The following MVB12B variants were observed in gnomAD, a reference collection of about 807,000 sequenced individuals.
MVB12B encodes the protein multivesicular body subunit 12B, also known as ESCRT-I complex subunit MVB12B.
A neutral mutation model predicts 41.6 loss-of-function variants in MVB12B; 16 were observed. The ratio of observed to expected loss-of-function variants is 0.38; its 90% CI spans 0.26 to 0.58. The LOEUF is 0.58. Ranked by LOEUF, MVB12B falls within the 20% of genes least tolerant of loss-of-function variation. The probability of loss-of-function intolerance (pLI) is 0.62; values close to 1 mark genes in which losing one functional copy is unlikely to be tolerated. For synonymous variants in MVB12B, 133 were observed against 139.7 expected (o/e 0.95, Z 0.34); for missense variants, 274 against 380.2 (o/e 0.72, Z 2.32).
At chr9:126,345,364 A>C (rs1179388244) in intron 2 of MVB12B, among the ~76,000 whole-genome samples, 4 of 152,200 alleles carry the variant, frequency 2.6e-5, no homozygotes. Context: ...CACCCAACAC[A>C]CAGGAGTCTT....
intron 6 of MVB12B, chr9:126,396,825 A>C (rs561366436): frequency 1.0e-6 from 1 of 985,478 alleles, no homozygotes; most frequent in African/African-American, 1.7e-5. Context: ...GCATAAAAAG[A>C]TAGGAATCTC....
At chr9:126,501,769 G>A (rs750315780) in intron 9 of MVB12B, among the ~76,000 whole-genome samples, 5 of 152,196 alleles carry the variant, frequency 3.3e-5, no homozygotes, top group Admixed American at 6.5e-5. Flanking sequence ...TCAGCCCTGC[G>A]GCCCTCCTCG....
intron 9 of MVB12B, among the ~76,000 whole-genome samples, chr9:126,493,908 G>A (rs1247911064): frequency 6.6e-6 from 1 of 152,134 alleles, no homozygotes; most frequent in Non-Finnish European, 1.5e-5. Flanking sequence ...AGGCAGTTAC[G>A]TCGCCTGTGA....
In MVB12B at chr9:126,395,833, G is replaced by A. The variant is rs113554299; in HGVS notation, c.662+136G>A. 55 of 1,465,090 alleles carry A rather than the reference G, an allele frequency of 3.8e-5. No individual in the cohort carries two copies. In the African/African-American group the frequency reaches 6.6e-4, roughly 18 times the overall value. The allele number at this position is 1,465,090 out of a possible 1,614,324, so 90.8% of individuals were successfully genotyped here. ...TAATTGTAGAAGCAATATATCTTTA[G>A]AGGAGATTTTTAAAAATCCACTTGG... On this transcript the variant is annotated intron_variant, in intron 6 of 9. Coordinates refer to ENST00000361171, the MANE Select transcript of MVB12B (RefSeq NM_033446.3). This position sits in a 1 kb window ranked among gnomAD's most constrained non-coding sequence, Gnocchi z 4.9.
intron 9 of MVB12B, among the ~76,000 whole-genome samples, chr9:126,499,628 C>G (rs1423229580): frequency 3.3e-5 from 5 of 152,272 alleles, no homozygotes; most frequent in African/African-American, 9.6e-5. Flanking sequence ...CGGGCAGGGA[C>G]CGCGTCTGCG....
At position 126,459,268 on chromosome 9, in the gene MVB12B, C is replaced by G. The variant is rs890470445; in HGVS notation, c.758-22101C>G. On this transcript the variant is annotated intron_variant, in intron 7 of 9. Transcript: ENST00000361171. This position sits in a 1 kb window ranked among gnomAD's most constrained non-coding sequence, Gnocchi z 4.3. ...CTGAGTGGTGCCAGTGCAGGCCTCC[C>G]CTTGACTGACACATGGCTCCCTTGC... 6.6e-6 allele frequency among the ~76,000 whole-genome samples: 1 copy of G among 152,210 alleles called. No individual in the cohort carries two copies. Among genetic ancestry groups the G allele is most frequent in the African/African-American group, 2.4e-5 (1 of 41,450 alleles).
intron 2 of MVB12B, among the ~76,000 whole-genome samples, chr9:126,375,350 T>G (rs1830448630): frequency 6.8e-6 from 1 of 146,952 alleles, no homozygotes; most frequent in South Asian, 2.1e-4. Flanking sequence ...TCTTTTTAAT[T>G]TTTAAATTGA....
chr9:126,423,509 C>G (rs928929702), intron 7 of MVB12B, among the ~76,000 whole-genome samples: 1 of 152,220 alleles, frequency 6.6e-6, no homozygotes, highest in Admixed American at 6.5e-5. Context: ...TCAGAAACTT[C>G]CTGTTACATT....
intron 7 of MVB12B, among the ~76,000 whole-genome samples, chr9:126,442,938 A>T (rs1832676662): frequency 6.6e-6 from 1 of 152,212 alleles, no homozygotes; most frequent in Non-Finnish European, 1.5e-5. Context: ...TGAGTTTAAA[A>T]TGTGAGTGTG....
At chr9:126,434,017 A>C (rs563829116) in intron 7 of MVB12B, among the ~76,000 whole-genome samples, 1 of 152,298 alleles carries the variant, frequency 6.6e-6, no homozygotes, top group African/African-American at 2.4e-5. Context: ...TTCAGCTCTT[A>C]CACAGTATGA....
intron 7 of MVB12B, among the ~76,000 whole-genome samples, chr9:126,456,034 G>A (rs1334532714): frequency 6.6e-6 from 1 of 151,770 alleles, no homozygotes; most frequent in Non-Finnish European, 1.5e-5. Context: ...GGGATCACAG[G>A]TACCCGCCAC....
chr9:126,410,235 C>T (rs1245948352), intron 6 of MVB12B, among the ~76,000 whole-genome samples: 2 of 151,996 alleles, frequency 1.3e-5, no homozygotes, highest in African/African-American at 2.4e-5. Flanking sequence ...ACCCATTCTA[C>T]AGTCAGCCTG....
At chr9:126,467,189 T>C (rs1158940189) in intron 7 of MVB12B, among the ~76,000 whole-genome samples, 1 of 152,234 alleles carries the variant, frequency 6.6e-6, no homozygotes, top group Non-Finnish European at 1.5e-5. Context: ...TCTGGGGCTG[T>C]AACGTGAGGA....
chr9:126,496,116 C>T (rs1484098686), intron 9 of MVB12B, among the ~76,000 whole-genome samples: 1 of 152,078 alleles, frequency 6.6e-6, no homozygotes, highest in Non-Finnish European at 1.5e-5. Context: ...CCTAAACTAG[C>T]TGCTTTCTCT....
intron 7 of MVB12B, among the ~76,000 whole-genome samples, chr9:126,435,942 A>C (rs573023342): frequency 1.3e-5 from 2 of 152,342 alleles, no homozygotes; most frequent in African/African-American, 4.8e-5. Context: ...TTAAAAAGAG[A>C]TCATACCTTT....
chr9:126,421,903 C>A lies in MVB12B; in HGVS notation c.712C>A (p.Arg238=), dbSNP rs767658868. ...PATFRGRNST[R]TDYEYQHSNL... is the part of the protein sequence containing the mutation. ...CACCTTCCGAGGCAGGAACAGCACC[C>A]GGACGGACTACGAGTACCAGCACTC... is the stretch of plus-strand genomic sequence containing the variant. Residue 238 remains arginine (R), a synonymous_variant, in exon 7 of 10, where the codon CGG becomes AGG. Transcript: ENST00000361171. 2 of 1,614,048 alleles carry A rather than the reference C, an allele frequency of 1.2e-6. No homozygotes were observed. Among genetic ancestry groups the A allele is most frequent in the South Asian group, 1.1e-5 (1 of 91,080 alleles).
intron 6 of MVB12B, among the ~76,000 whole-genome samples, chr9:126,418,026 T>C (rs146362713): frequency 1.1e-4 from 17 of 152,134 alleles, no homozygotes; most frequent in African/African-American, 4.1e-4. Flanking sequence ...AGAGGGGAAG[T>C]AAGTAGTGGC....
intron 9 of MVB12B, among the ~76,000 whole-genome samples, chr9:126,502,559 T>A (rs1381470812): frequency 6.6e-6 from 1 of 151,974 alleles, no homozygotes; most frequent in Non-Finnish European, 1.5e-5. Flanking sequence ...GCAGCTGCCC[T>A]GGCCCCGCTG....
chr9:126,416,616 C>T (rs73595685), intron 6 of MVB12B, among the ~76,000 whole-genome samples: 2,288 of 152,248 alleles, frequency 0.015, 43 homozygotes, highest in African/African-American at 0.044. Context: ...GAAGCTGAAT[C>T]GGGGTAACTC....
Sources: gnomAD v4.1 joint callset for allele counts (sites outside exome capture counted in the v4.1 genomes callset) on GRCh38, gnomAD v4.1.1 for gene constraint, Gnocchi (gnomAD v3.1) non-coding constraint, MANE v1.5 for transcripts, NCBI Gene and HGNC (gene_info 2026-07-23, HGNC 2026-07-21) for gene names.